The following CUBN variants were observed in gnomAD, a reference collection of about 807,000 sequenced individuals.
CUBN encodes cubilin.
Under a neutral mutation model 405.3 loss-of-function variants are expected in CUBN, and 282 were observed. The observed-to-expected ratio is 0.70, with a 90% CI of 0.63 to 0.77. CUBN has a LOEUF of 0.77. Among genes scored for constraint, CUBN ranks in the 30% least tolerant of loss-of-function variants. The probability of loss-of-function intolerance (pLI) is 0.00; values close to 1 mark genes in which losing one functional copy is unlikely to be tolerated. For synonymous variants in CUBN, 1,684 were observed against 1,617.0 expected (o/e 1.04, Z -0.99); for missense variants, 4,514 against 4,475.2 (o/e 1.01, Z -0.25).
intron 62 of CUBN, 122 bp from the exon 63 acceptor site, chr10:16,836,504 T>C (rs1839173610): frequency 3.1e-6 from 3 of 958,094 alleles, no homozygotes; most frequent in Non-Finnish European, 5.0e-6. Flanking sequence ...CCAGCTCTGC[T>C]GTTGGAAGTG....
chr10:16,919,717 C>T (rs1841979467), intron 44 of CUBN, among the ~76,000 whole-genome samples: 1 of 152,130 alleles, frequency 6.6e-6, no homozygotes, highest in Admixed American at 6.5e-5. Flanking sequence ...CTCAAGTAGC[C>T]ACCCTCAGTG....
chr10:16,869,701 A>G lies in CUBN; in HGVS notation c.9389T>C (p.Leu3130Pro). 1 of 1,614,134 alleles carries G rather than the reference A, an allele frequency of 6.2e-7. No homozygotes were observed. The highest frequency in any genetic ancestry group is 8.5e-7 in the Non-Finnish European group (1 of 1,179,998). ...CTGAAATGAATCTGTCTTGAACACC[A>G]GGAGCATACTATTATTGCTGCTCTT... ...NVKSSNNSML[L>P]VFKTDSFQTA... The change falls in exon 59 of 67, where the codon CTG (leucine) becomes CCG (proline). Residue 3130 changes from leucine (L) to proline (P), a missense_variant. Coordinates refer to ENST00000377833, the MANE Select transcript of CUBN (RefSeq NM_001081.4).
At chr10:17,049,460 T>C (rs1835212713) in intron 22 of CUBN, among the ~76,000 whole-genome samples, 1 of 152,234 alleles carries the variant, frequency 6.6e-6, no homozygotes, top group Non-Finnish European at 1.5e-5. Context: ...GAATGTTAAG[T>C]GTGATTAGGT....
At chr10:16,942,313 T>C (rs1842673171) in intron 36 of CUBN, among the ~76,000 whole-genome samples, 1 of 152,104 alleles carries the variant, frequency 6.6e-6, no homozygotes, top group Non-Finnish European at 1.5e-5. Flanking sequence ...CCCCTAAATA[T>C]ATACCCAAAG....
intron 60 of CUBN, among the ~76,000 whole-genome samples, chr10:16,841,878 A>C (rs1243577204): frequency 1.6e-5 from 2 of 126,866 alleles, no homozygotes; most frequent in African/African-American, 5.9e-5. Flanking sequence ...GTGCCACTAC[A>C]CTCCAGCCTG....
At chr10:16,997,333 G>A (rs1354277534) in intron 28 of CUBN, among the ~76,000 whole-genome samples, 3 of 151,912 alleles carry the variant, frequency 2.0e-5, no homozygotes, top group Non-Finnish European at 4.4e-5. Context: ...TACTCAGGAG[G>A]CTGAGGCAGG....
At position 17,043,041 on chromosome 10, in the gene CUBN, T is replaced by C. The variant is rs187337601; in HGVS notation, c.3829+786A>G. Among the ~76,000 whole-genome samples, 99 of 152,296 alleles carry C rather than the reference T, an allele frequency of 6.5e-4. 2 individuals carry two copies. The East Asian group carries it at 0.017, about 27-fold the overall frequency. The stretch of plus-strand genomic sequence containing the variant: ...ATAACAAATTCAAGAAAATATTGTT[T>C]TCTTGAATGTCCATTTTGGAACTAA... On this transcript the variant is annotated intron_variant, in intron 26 of 66. Coordinates refer to ENST00000377833, the MANE Select transcript of CUBN (RefSeq NM_001081.4).
At chr10:16,861,136 C>T (rs1476717228) in intron 59 of CUBN, among the ~76,000 whole-genome samples, 1 of 151,804 alleles carries the variant, frequency 6.6e-6, no homozygotes, top group Non-Finnish European at 1.5e-5. Flanking sequence ...TTTATTTCTC[C>T]ATAGATTGTC....
intron 38 of CUBN, among the ~76,000 whole-genome samples, chr10:16,938,566 C>T (rs1228686096): frequency 6.6e-6 from 1 of 151,986 alleles, no homozygotes; most frequent in East Asian, 1.9e-4. Context: ...ATATGGTAGC[C>T]AATGTCTGGA....
rs746369578 is a variant in CUBN, at chr10:17,105,555, A to G, written c.1132T>C (p.Cys378Arg). ...STLGSLPLCT[C>R]LPGYTGNGYG... ...CCATTTCCAGTATAACCCGGGAGACACGTGCAGAGAGGTAAGGAACCTGTT... is the reference window on the plus strand; with the variant it reads ...CCATTTCCAGTATAACCCGGGAGACGCGTGCAGAGAGGTAAGGAACCTGTT... Residue 378 changes from cysteine to arginine, a missense_variant, in exon 11 of 67, where the codon TGT becomes CGT. This residue lies in a region of CUBN where 1,448 missense variants were observed against 1,388.0 expected (regional missense o/e 1.04). Coordinates refer to ENST00000377833, the MANE Select transcript of CUBN (RefSeq NM_001081.4). 6.2e-7 allele frequency: 1 copy of G among 1,604,962 alleles called. No individual in the cohort carries two copies.
chr10:16,832,224 G>A (rs189939688), intron 64 of CUBN, among the ~76,000 whole-genome samples: 9 of 152,282 alleles, frequency 5.9e-5, no homozygotes, highest in South Asian at 2.1e-4. Context: ...GAAACGTTAC[G>A]CGGGCAATGT....
chr10:16,881,099 T>G (rs10904829), intron 56 of CUBN, among the ~76,000 whole-genome samples: 8,518 of 152,270 alleles, frequency 0.056, 783 homozygotes, highest in East Asian at 0.32. Flanking sequence ...ATAAAAAAAT[T>G]GTGCATTAGT....
intron 27 of CUBN, among the ~76,000 whole-genome samples, chr10:17,022,614 A>G (rs1834528479): frequency 2.0e-5 from 3 of 152,182 alleles, no homozygotes. Context: ...GAGAAACCGG[A>G]GGGCGAGAGG....
intron 28 of CUBN, among the ~76,000 whole-genome samples, chr10:17,006,580 G>A (rs1366055281): frequency 6.6e-6 from 1 of 152,162 alleles, no homozygotes; most frequent in Non-Finnish European, 1.5e-5. Context: ...GACCACTCGA[G>A]AGAAAGAGAC....
At chr10:17,115,380 C>T in intron 7 of CUBN, 91 bp downstream of exon 7, 1 of 1,535,698 alleles carries the variant, frequency 6.5e-7, no homozygotes, top group Non-Finnish European at 9.0e-7. Context: ...CTGTAAGCTC[C>T]AGGTAGTGCT....
chr10:17,102,966 A>G (rs777737721), intron 13 of CUBN, among the ~76,000 whole-genome samples, 159 bp downstream of exon 13: 8 of 152,114 alleles, frequency 5.3e-5, no homozygotes, highest in Non-Finnish European at 1.2e-4. Context: ...AAAGGTAGGT[A>G]TATGTCTAGC....
intron 62 of CUBN, among the ~76,000 whole-genome samples, 165 bp from the exon 63 acceptor site, chr10:16,836,547 T>C (rs751067527): frequency 2.6e-5 from 4 of 152,248 alleles, no homozygotes; most frequent in Non-Finnish European, 5.9e-5. Context: ...GCCTTGGAAT[T>C]GATGCAAGTT....
chr10:17,078,589 C>T (rs1835901092), intron 17 of CUBN, among the ~76,000 whole-genome samples: 1 of 152,134 alleles, frequency 6.6e-6, no homozygotes, highest in Non-Finnish European at 1.5e-5. Flanking sequence ...TATTTAATAT[C>T]TATATTACAT....
intron 32 of CUBN, 121 bp from the exon 33 acceptor site, chr10:16,952,510 CAAGA>C: frequency 1.4e-6 from 1 of 703,220 alleles, no homozygotes; most frequent in Non-Finnish European, 2.6e-6. Context: ...AAATGCACGC[CAAGA>C]AAGTTCTCCA....
Sources: allele counts gnomAD v4.1 joint callset (sites outside exome capture counted in the v4.1 genomes callset), GRCh38; gene constraint gnomAD v4.1.1; regional missense constraint gnomAD v4.1.1; transcripts MANE v1.5; gene names NCBI Gene and HGNC (gene_info 2026-07-23, HGNC 2026-07-21).